The following HIVEP1 variants were observed in gnomAD, a reference collection of about 807,000 sequenced individuals.
HIVEP1 encodes HIVEP zinc finger 1.
In HIVEP1, 36 loss-of-function variants were observed where a neutral mutation model predicts 180.0. That is an observed-to-expected ratio of 0.20 (90% CI 0.15 to 0.26). The LOEUF (loss-of-function observed/expected upper bound fraction) is 0.26, where lower values mean the gene tolerates loss of function less well. HIVEP1 is among the 10% of genes least tolerant of loss of function. The probability of loss-of-function intolerance (pLI) is 1.00; values close to 1 mark genes in which losing one functional copy is unlikely to be tolerated. For synonymous variants in HIVEP1, 1,239 were observed against 1,239.0 expected (o/e 1.00, Z 0.00); for missense variants, 3,143 against 3,268.7 (o/e 0.96, Z 0.94).
At chr6:12,068,722 A>G (rs1234942892) in intron 2 of HIVEP1, among the ~76,000 whole-genome samples, 1 of 152,200 alleles carries the variant, frequency 6.6e-6, no homozygotes, top group East Asian at 1.9e-4. Flanking sequence ...CTTTCAGGGA[A>G]TTGAGACACC....
intron 2 of HIVEP1, among the ~76,000 whole-genome samples, chr6:12,048,155 C>T (rs914331009): frequency 6.6e-6 from 1 of 152,172 alleles, no homozygotes; most frequent in Admixed American, 6.5e-5. Context: ...AGTTCTTTGT[C>T]CCAGCTTCAA....
At position 12,017,287 on chromosome 6, in the gene HIVEP1, C is replaced by A. The variant is rs566908090; in HGVS notation, c.40+1619C>A. On this transcript the variant is annotated intron_variant, in intron 2 of 8. Coordinates refer to ENST00000379388, the MANE Select transcript of HIVEP1 (RefSeq NM_002114.4). Reference sequence around the variant, plus strand: ...CAAGAATGAAGCCACAGGCCCTCGCCGTGAGTGTTATAGCTCTTAAAGGTA... The same window carrying A: ...CAAGAATGAAGCCACAGGCCCTCGCAGTGAGTGTTATAGCTCTTAAAGGTA... 5.3e-5 allele frequency among the ~76,000 whole-genome samples: 8 copies of A among 152,252 alleles called. No individual in the cohort carries two copies. In the South Asian group the frequency reaches 1.7e-3, roughly 32 times the overall value.
Position 12,124,992 on chromosome 6 carries a change from C to T in HIVEP1, c.5197C>T (p.Arg1733Ter), listed in dbSNP as rs1056527007. 4 of 1,614,018 alleles carry T rather than the reference C, an allele frequency of 2.5e-6. No individual in the cohort carries two copies. The highest frequency in any genetic ancestry group is 1.3e-5 in the African/African-American group (1 of 74,914). ...LPITQKISVG[R>*]LSPQQESSAS... ...CATAACTCAGAAAATATCTGTTGGT[C>T]GACTTTCCCCTCAACAAGAATCTTC... is the stretch of plus-strand genomic sequence containing the variant. The change falls in exon 4 of 9, where the codon CGA (arginine) becomes TGA (stop). Residue 1733 changes from arginine to a stop codon, truncating the protein, a stop_gained. Transcript: ENST00000379388. LOFTEE classifies it high-confidence loss of function.
chr6:12,051,238 C>T (rs965054262), intron 2 of HIVEP1, among the ~76,000 whole-genome samples: 3 of 151,642 alleles, frequency 2.0e-5, no homozygotes, highest in African/African-American at 7.3e-5. Flanking sequence ...TGTCCCACTA[C>T]GGATATAGGA....
intron 8 of HIVEP1, 67 bp downstream of exon 8, chr6:12,161,996 A>G: frequency 7.2e-7 from 1 of 1,395,450 alleles, no homozygotes. Flanking sequence ...GGAGAACTTA[A>G]TGGCTTAAGA....
intron 2 of HIVEP1, among the ~76,000 whole-genome samples, chr6:12,030,706 C>T (rs1010827018): frequency 1.3e-5 from 2 of 152,050 alleles, no homozygotes; most frequent in African/African-American, 2.4e-5. Context: ...AAATATGGTT[C>T]CCTTCAGTTC....
Position 12,125,043 on chromosome 6 carries a change from C to T in HIVEP1, c.5248C>T (p.Pro1750Ser), listed in dbSNP as rs753185284. ...AGCTTCGAGTAAAAGGATGCTTTCC[C>T]CAGCAAATAGTTTAGACATTGCCAT... ...SSASSKRMLS[P>S]ANSLDIAMEK... The change falls in exon 4 of 9, where the codon CCA becomes TCA. Residue 1750 changes from proline (P) to serine (S), a missense_variant. Pro to Ser is a moderately conservative substitution (Grantham distance 74, BLOSUM62 -1). Transcript: ENST00000379388. 2 of 1,614,108 alleles carry T rather than the reference C, an allele frequency of 1.2e-6. No individual in the cohort carries two copies. The highest frequency in any genetic ancestry group is 1.7e-6 in the Non-Finnish European group (2 of 1,180,006).
At chr6:12,090,170 A>G (rs1306527547) in intron 3 of HIVEP1, among the ~76,000 whole-genome samples, 2 of 152,190 alleles carry the variant, frequency 1.3e-5, no homozygotes, top group Non-Finnish European at 1.5e-5. Flanking sequence ...TTGAAACACT[A>G]TCTGTTAATG....
chr6:12,136,550 C>T (rs987312648), intron 7 of HIVEP1, among the ~76,000 whole-genome samples: 1 of 152,190 alleles, frequency 6.6e-6, no homozygotes, highest in Non-Finnish European at 1.5e-5. Flanking sequence ...AGATTATTCA[C>T]GCACTCACCT....
At chr6:12,206,885 C>G in the HIVEP1 span, among the ~76,000 whole-genome samples, 1 of 151,308 alleles carries the variant, frequency 6.6e-6, no homozygotes, top group African/African-American at 2.5e-5. Flanking sequence ...GAAGCTGCAG[C>G]AAGTCACTTA....
At chr6:12,136,238 C>T (rs1758696700) in intron 7 of HIVEP1, among the ~76,000 whole-genome samples, 1 of 152,090 alleles carries the variant, frequency 6.6e-6, no homozygotes, top group Admixed American at 6.5e-5. Flanking sequence ...CTCTACCCTT[C>T]TCATTTCTCT....
the HIVEP1 span, among the ~76,000 whole-genome samples, chr6:12,196,915 C>A: frequency 3.3e-5 from 5 of 152,198 alleles, no homozygotes; most frequent in African/African-American, 9.7e-5. Context: ...TGAGTACTTA[C>A]TTTATGCCAG....
chr6:12,097,115 C>T (rs1372259654), intron 3 of HIVEP1, among the ~76,000 whole-genome samples: 2 of 151,860 alleles, frequency 1.3e-5, no homozygotes, highest in Non-Finnish European at 2.9e-5. Context: ...TTGATGTTAA[C>T]TAGTTTATTT....
chr6:12,161,794 T>C lies in HIVEP1; in HGVS notation c.6843T>C (p.Ala2281=), dbSNP rs1313872385. Reference sequence around the variant, plus strand: ...CTCCGGGGAAGGCCAGGCAGCGTGCTGCGAGAGATGAAAACGACACAATTC... The same window carrying C: ...CTCCGGGGAAGGCCAGGCAGCGTGCCGCGAGAGATGAAAACGACACAATTC... The part of the protein sequence containing the change: ...TLSPGKARQR[A]ARDENDTIPS... Residue 2281 remains alanine (A), a synonymous_variant, in exon 8 of 9, where the codon GCT becomes GCC. Transcript: ENST00000379388. 1.9e-6 allele frequency: 3 copies of C among 1,614,086 alleles called. No homozygotes were observed. Among genetic ancestry groups the C allele is most frequent in the Non-Finnish European group, 1.7e-6 (2 of 1,180,040 alleles).
Position 12,161,496 on chromosome 6 carries a change from G to C in HIVEP1, c.6545G>C (p.Gly2182Ala). The part of the protein sequence containing the change: ...RSGYDLEESD[G>A]PDEDDNENED... ...GGATATGATCTTGAAGAATCTGATGGCCCAGATGAGGATGACAATGAAAAT... is the reference window on the plus strand; with the variant it reads ...GGATATGATCTTGAAGAATCTGATGCCCCAGATGAGGATGACAATGAAAAT... The change falls in exon 8 of 9, where the codon GGC becomes GCC. Residue 2182 changes from glycine to alanine, a missense_variant. By Grantham distance (60) the Gly-to-Ala change is moderately conservative (BLOSUM62 0). This residue lies in a region of HIVEP1 where 126 missense variants were observed against 168.5 expected (regional missense o/e 0.75). Transcript: ENST00000379388. 6.2e-7 allele frequency: 1 copy of C among 1,613,554 alleles called. No individual in the cohort carries two copies. The highest frequency in any genetic ancestry group is 8.5e-7 in the Non-Finnish European group (1 of 1,179,464).
the HIVEP1 span, among the ~76,000 whole-genome samples, chr6:12,205,243 G>A: frequency 3.9e-5 from 6 of 152,190 alleles, no homozygotes; most frequent in Admixed American, 1.3e-4. Flanking sequence ...AGGCCAAGGC[G>A]GGTGGATCTT....
chr6:12,146,830 C>G (rs764052148), intron 7 of HIVEP1, among the ~76,000 whole-genome samples: 6 of 151,808 alleles, frequency 4.0e-5, no homozygotes, highest in Non-Finnish European at 7.4e-5. Context: ...CAATTACTAT[C>G]GCCCAGGAGC....
intron 6 of HIVEP1, among the ~76,000 whole-genome samples, chr6:12,134,592 A>G (rs1464146656): frequency 6.6e-6 from 1 of 152,202 alleles, no homozygotes; most frequent in Non-Finnish European, 1.5e-5. Context: ...CTCAAATACT[A>G]CTTTGCCTCT....
At chr6:12,010,029 C>T (rs1767193976), upstream of HIVEP1, among the ~76,000 whole-genome samples, 1 of 152,186 alleles carries the variant, frequency 6.6e-6, no homozygotes. Flanking sequence ...ATCACATTAC[C>T]TTTCTCCTGA....
Sources: allele counts gnomAD v4.1 joint callset (sites outside exome capture counted in the v4.1 genomes callset), GRCh38; gene constraint gnomAD v4.1.1; regional missense constraint gnomAD v4.1.1; transcripts MANE v1.5; gene names NCBI Gene and HGNC (gene_info 2026-07-23, HGNC 2026-07-21).